PLEKHH1: variants seen among roughly 807,000 people sequenced by gnomAD.
PLEKHH1 encodes pleckstrin homology, MyTH4 and FERM domain containing H1, also known as pleckstrin homology domain-containing family H member 1.
A neutral mutation model predicts 160.0 loss-of-function variants in PLEKHH1; 104 were observed. The ratio of observed to expected loss-of-function variants is 0.65; its 90% CI spans 0.55 to 0.76. PLEKHH1 has a LOEUF of 0.76. PLEKHH1 is among the 30% of genes least tolerant of loss of function. The pLI is 0.00. For synonymous variants in PLEKHH1, 619 were observed against 678.4 expected, an observed-to-expected ratio of 0.91 and a Z score of 1.36; for missense variants, 1,427 against 1,724.1, an observed-to-expected ratio of 0.83 and a Z score of 3.05.
chr14:67,535,370 C>CTTTTTTTTTTTT (rs71129833), intron 1 of PLEKHH1, among the ~76,000 whole-genome samples: 1 of 74,192 alleles, frequency 1.3e-5, no homozygotes, highest in Non-Finnish European at 2.4e-5. Flanking sequence ...GTGAGCACAT[C>CTTTTTTTTTTTT]TTTTTTTTTT....
rs1375330983 is a variant in PLEKHH1, at chr14:67,569,333, C to T, written c.1342+117C>T. On this transcript the variant is annotated intron_variant, in intron 8 of 28. Transcript: ENST00000329153. ...CCAGGGTTGGCTGGCCTACCCTGTT[C>T]CCCTCCCCAGCAGGTGAAGTTCAGG... is the stretch of plus-strand genomic sequence containing the variant. The T allele has an allele frequency of 1.2e-5, 8 of 686,008 alleles. No homozygotes were observed. The Admixed American group carries it at 1.9e-4, about 16-fold the overall frequency. 42.5% of individuals were successfully genotyped at this position (686,008 alleles called of 1,614,324 possible).
intron 7 of PLEKHH1, 28 bp downstream of exon 7, chr14:67,562,922 A>C: frequency 1.3e-6 from 2 of 1,599,514 alleles, no homozygotes; most frequent in South Asian, 1.1e-5. Flanking sequence ...GGCTGGGCAG[A>C]GGAGCAGAGC....
At chr14:67,575,198 T>C (rs4902489) in intron 14 of PLEKHH1, among the ~76,000 whole-genome samples, 194 bp from the exon 15 acceptor site, 34,588 of 151,994 alleles carry the variant, frequency 0.23, 4,395 homozygotes, top group Non-Finnish European at 0.3. Context: ...GAATAGCCCA[T>C]GATGGCTGGG....
chr14:67,548,469 G>A (rs1015932376), intron 2 of PLEKHH1, among the ~76,000 whole-genome samples: 6 of 152,118 alleles, frequency 3.9e-5, no homozygotes, highest in African/African-American at 7.2e-5. Context: ...AGGCCAAGGC[G>A]GGCAGATCAC....
chr14:67,556,416 G>T (rs371171166), intron 3 of PLEKHH1, among the ~76,000 whole-genome samples: 2 of 152,128 alleles, frequency 1.3e-5, no homozygotes, highest in Non-Finnish European at 2.9e-5. Flanking sequence ...GATTACAGGC[G>T]TGAGCCACTG....
At chr14:67,551,603 C>T (rs942036590) in intron 2 of PLEKHH1, among the ~76,000 whole-genome samples, 2 of 152,062 alleles carry the variant, frequency 1.3e-5, no homozygotes, top group South Asian at 2.1e-4. Flanking sequence ...TGCAAGGCAG[C>T]GGTAATAATG....
At chr14:67,563,707 G>GT (rs1002549605) in intron 7 of PLEKHH1, among the ~76,000 whole-genome samples, 1 of 143,060 alleles carries the variant, frequency 7.0e-6, no homozygotes, top group Non-Finnish European at 1.5e-5. Flanking sequence ...TGCTGGGATT[G>GT]TAAGTATGAG....
chr14:67,571,730 G>T, intron 9 of PLEKHH1, 22 bp from the exon 10 acceptor site: 1 of 1,604,960 alleles, frequency 6.2e-7, no homozygotes, highest in South Asian at 1.1e-5. Flanking sequence ...GAGCTGCAGT[G>T]AGGGAGGGGC....
At chr14:67,569,243 A>G (rs1484011336) in intron 8 of PLEKHH1, 27 bp downstream of exon 8, 1 of 1,538,694 alleles carries the variant, frequency 6.5e-7, no homozygotes, top group African/African-American at 1.4e-5. Context: ...GCTTGGAGGC[A>G]CCAAACACCC....
chr14:67,562,693 A>T lies in PLEKHH1; in HGVS notation c.1062A>T (p.Ser354=). 1 of 1,612,574 alleles carries T rather than the reference A, an allele frequency of 6.2e-7. No individual in the cohort carries two copies. The highest frequency in any genetic ancestry group is 8.5e-7 in the Non-Finnish European group (1 of 1,179,364). Residue 354 remains serine (S), a synonymous_variant, in exon 7 of 29, where the codon TCA becomes TCT. Coordinates refer to ENST00000329153, the MANE Select transcript of PLEKHH1 (RefSeq NM_020715.3). ...RVVNIETEAF[S]ALHPSGLPEL... is the part of the protein sequence containing the mutation. ...TGAACATTGAGACTGAGGCCTTCTCAGCCCTCCACCCCTCTGGCCTTCCTG... is the reference window on the plus strand; with the variant it reads ...TGAACATTGAGACTGAGGCCTTCTCTGCCCTCCACCCCTCTGGCCTTCCTG...
chr14:67,550,229 C>T (rs1407737345), intron 2 of PLEKHH1, among the ~76,000 whole-genome samples: 1 of 151,954 alleles, frequency 6.6e-6, no homozygotes, highest in African/African-American at 2.4e-5. Flanking sequence ...CACTCTGTTG[C>T]CCAAGCTGGA....
At chr14:67,548,689 C>G (rs990788262) in intron 2 of PLEKHH1, among the ~76,000 whole-genome samples, 1 of 152,078 alleles carries the variant, frequency 6.6e-6, no homozygotes, top group African/African-American at 2.4e-5. Flanking sequence ...AAGAGCAAAA[C>G]TCTGTCTCAA....
At chr14:67,567,894 G>A (rs2035184333) in intron 7 of PLEKHH1, among the ~76,000 whole-genome samples, 1 of 152,200 alleles carries the variant, frequency 6.6e-6, no homozygotes, top group Non-Finnish European at 1.5e-5. Flanking sequence ...GCTCAGTGGA[G>A]CAAACAGATC....
intron 1 of PLEKHH1, among the ~76,000 whole-genome samples, chr14:67,539,220 T>G (rs1348457739): frequency 6.6e-6 from 1 of 152,210 alleles, no homozygotes; most frequent in Admixed American, 6.5e-5. Context: ...TCTGAGAGCC[T>G]TACAAGGTTC....
chr14:67,571,894 T>C lies in PLEKHH1; in HGVS notation c.1577T>C (p.Ile526Thr). ...AGCGGACTAGGCAGCCCCCGGGCCATCAAGAGAGGTACAGAGAAGGGGAGC... is the reference window on the plus strand; with the variant it reads ...AGCGGACTAGGCAGCCCCCGGGCCACCAAGAGAGGTACAGAGAAGGGGAGC... ...KTSGLGSPRA[I>T]KRGVSMSSLS... Residue 526 changes from isoleucine to threonine, a missense_variant, in exon 10 of 29, where the codon ATC becomes ACC. Physicochemically the swap from Ile to Thr is moderately conservative, Grantham distance 89. This residue lies in a region of PLEKHH1 where 831 missense variants were observed against 929.2 expected (regional missense o/e 0.89). Coordinates refer to ENST00000329153, the MANE Select transcript of PLEKHH1 (RefSeq NM_020715.3). 1.2e-5 allele frequency: 20 copies of C among 1,609,156 alleles called. No homozygotes were observed. Among genetic ancestry groups the C allele is most frequent in the Non-Finnish European group, 1.7e-5 (20 of 1,177,730 alleles).
intron 28 of PLEKHH1, 148 bp downstream of exon 28, chr14:67,586,245 T>A: frequency 1.8e-6 from 2 of 1,135,212 alleles, no homozygotes; most frequent in South Asian, 1.3e-5. Context: ...ATTCCAAAGG[T>A]TCAGGTGGTG....
intron 7 of PLEKHH1, among the ~76,000 whole-genome samples, chr14:67,566,573 C>T (rs1381603054): frequency 6.6e-6 from 1 of 151,992 alleles, no homozygotes; most frequent in Non-Finnish European, 1.5e-5. Context: ...GGCGAAACCC[C>T]ATGTCTACCA....
intron 7 of PLEKHH1, among the ~76,000 whole-genome samples, chr14:67,567,692 C>T (rs1566745135): frequency 6.6e-6 from 1 of 152,156 alleles, no homozygotes; most frequent in Non-Finnish European, 1.5e-5. Context: ...TGTCCCAGGG[C>T]TGCTGCTCCC....
chr14:67,541,345 C>T (rs776942080), intron 1 of PLEKHH1, among the ~76,000 whole-genome samples: 1 of 152,206 alleles, frequency 6.6e-6, no homozygotes, highest in East Asian at 1.9e-4. Flanking sequence ...TCCCAGCTCC[C>T]ATTCCCATTT....
Sources: gnomAD v4.1 joint callset for allele counts (sites outside exome capture counted in the v4.1 genomes callset) on GRCh38, gnomAD v4.1.1 for gene constraint, gnomAD v4.1.1 regional missense constraint, MANE v1.5 for transcripts, NCBI Gene and HGNC (gene_info 2026-07-23, HGNC 2026-07-21) for gene names.